Variants in PPIL1 observed in about 807,000 individuals in gnomAD.
PPIL1 encodes peptidyl-prolyl cis-trans isomerase-like 1.
PPIL1 carries 14 observed loss-of-function variants against 19.4 expected under a neutral mutation model. The ratio of observed to expected loss-of-function variants is 0.72; its 90% CI spans 0.48 to 1.13. The LOEUF (loss-of-function observed/expected upper bound fraction) is 1.13. Among genes scored for constraint, PPIL1 ranks in the 50% most tolerant of loss-of-function variants. The pLI is 0.00. For missense variants in PPIL1, 192 were observed against 218.0 expected (o/e 0.88, Z 0.75); for synonymous variants, 72 against 73.6 (o/e 0.98, Z 0.11).
At chr6:36,873,123 G>A (rs1170133465) in intron 1 of PPIL1, among the ~76,000 whole-genome samples, 1 of 152,178 alleles carries the variant, frequency 6.6e-6, no homozygotes, top group Non-Finnish European at 1.5e-5. Context: ...TTACATTCTG[G>A]AGGATATTTT....
intron 2 of PPIL1, among the ~76,000 whole-genome samples, chr6:36,863,086 G>A (rs1040793774): frequency 1.3e-5 from 2 of 152,204 alleles, no homozygotes; most frequent in East Asian, 1.9e-4. Flanking sequence ...GCATATGGAA[G>A]CTATCTGGTG....
Position 36,874,609 on chromosome 6 carries a change from T to C in PPIL1, c.56+108A>G, listed in dbSNP as rs548262317. 2.5e-4 allele frequency: 360 copies of C among 1,445,920 alleles called. 6 individuals carry two copies. Among genetic ancestry groups the C allele is most frequent in the South Asian group, 2.3e-3 (196 of 85,528 alleles). The allele number at this position is 1,445,920 out of a possible 1,614,324, so 89.6% of individuals were successfully genotyped here. On this transcript the variant is annotated intron_variant, in intron 1 of 3. Coordinates refer to ENST00000373699, the MANE Select transcript of PPIL1 (RefSeq NM_016059.5). ...CGTCTCGGCCGCTGCTCCACGCCCC[T>C]CCACGTGGAGGCCGGCCTCCCGGAG...
At position 36,856,043 on chromosome 6, in the gene PPIL1, A is replaced by C; in HGVS notation, c.281-10T>G. Reference sequence around the variant, plus strand: ...GCGAGAATTCCAGCCCCTGGTGGGAAAAAGGAAGAAAGGAAAGAGTATAAA... The same window carrying C: ...GCGAGAATTCCAGCCCCTGGTGGGACAAAGGAAGAAAGGAAAGAGTATAAA... On this transcript the variant is annotated splice_polypyrimidine_tract_variant and intron_variant, in intron 3 of 3. Coordinates refer to ENST00000373699, the MANE Select transcript of PPIL1 (RefSeq NM_016059.5). The C allele has an allele frequency of 6.2e-7, 1 of 1,612,462 alleles. No individual in the cohort carries two copies. The highest frequency in any genetic ancestry group is 8.5e-7 in the Non-Finnish European group (1 of 1,178,894).
At chr6:36,868,082 G>C (rs888834072) in intron 2 of PPIL1, among the ~76,000 whole-genome samples, 24 of 152,204 alleles carry the variant, frequency 1.6e-4, no homozygotes, top group African/African-American at 5.1e-4. Flanking sequence ...GGAGAAAGTG[G>C]CTTCTCCATG....
chr6:36,863,719 C>T (rs577007961), intron 2 of PPIL1, among the ~76,000 whole-genome samples: 5 of 152,140 alleles, frequency 3.3e-5, no homozygotes, highest in Admixed American at 1.3e-4. Flanking sequence ...CGCCCCTCAC[C>T]GCTCCGCTGA....
chr6:36,866,377 G>A (rs958059765), intron 2 of PPIL1, among the ~76,000 whole-genome samples: 3 of 152,116 alleles, frequency 2.0e-5, no homozygotes, highest in Admixed American at 6.5e-5. Flanking sequence ...AGCCCAGGAT[G>A]TCATTTGCTG....
chr6:36,873,978 G>A (rs1358081650), intron 1 of PPIL1, among the ~76,000 whole-genome samples: 3 of 152,200 alleles, frequency 2.0e-5, no homozygotes, highest in Non-Finnish European at 1.5e-5. Context: ...ATCACTTTGA[G>A]CTTTTTCCAA....
chr6:36,863,036 C>A (rs78869641), intron 2 of PPIL1, among the ~76,000 whole-genome samples: 4,523 of 152,262 alleles, frequency 0.03, 95 homozygotes, highest in Middle Eastern at 0.068. Flanking sequence ...AGCAGTAACA[C>A]CTATGTCTCA....
chr6:36,863,024 G>A (rs1306165535), intron 2 of PPIL1, among the ~76,000 whole-genome samples: 1 of 152,222 alleles, frequency 6.6e-6, no homozygotes, highest in Non-Finnish European at 1.5e-5. Context: ...CAAAATGGGA[G>A]TAGCAGTAAC....
rs1774152354 is a variant in PPIL1, at chr6:36,855,768, T to A, written c.*45A>T. The A allele has an allele frequency of 6.3e-7, 1 of 1,583,812 alleles. No individual in the cohort carries two copies. Among genetic ancestry groups the A allele is most frequent in the Non-Finnish European group, 8.7e-7 (1 of 1,152,884 alleles). ...TCATTCTATGTCATCTAGAAGCTGGTTCACTGGGGCCATCTCAGAAGAGCT... is the reference window on the plus strand; with the variant it reads ...TCATTCTATGTCATCTAGAAGCTGGATCACTGGGGCCATCTCAGAAGAGCT... On this transcript the variant is annotated 3_prime_UTR_variant, in exon 4 of 4. Transcript: ENST00000373699.
At chr6:36,866,406 C>CA (rs570666347) in intron 2 of PPIL1, among the ~76,000 whole-genome samples, 3 of 152,054 alleles carry the variant, frequency 2.0e-5, no homozygotes, top group Admixed American at 6.6e-5. Context: ...AGATGTTTAA[C>CA]AAAAAACGTG....
At chr6:36,871,912 G>C (rs770776316) in intron 1 of PPIL1, 40 bp from the exon 2 acceptor site, 14 of 1,526,716 alleles carry the variant, frequency 9.2e-6, no homozygotes, top group Non-Finnish European at 1.2e-5. Flanking sequence ...AAACAAAAAG[G>C]TCAGGGCAGA....
chr6:36,856,120 G>A, intron 3 of PPIL1, 87 bp from the exon 4 acceptor site: 1 of 1,416,878 alleles, frequency 7.1e-7, no homozygotes, highest in South Asian at 1.3e-5. Context: ...GGATGAAAAA[G>A]CAGCCAGGAC....
At chr6:36,868,005 C>A (rs995790784) in intron 2 of PPIL1, among the ~76,000 whole-genome samples, 1 of 151,962 alleles carries the variant, frequency 6.6e-6, no homozygotes, top group Non-Finnish European at 1.5e-5. Context: ...GGCAAACATA[C>A]CACAACCAAC....
chr6:36,872,993 G>A (rs548882538), intron 1 of PPIL1, among the ~76,000 whole-genome samples: 147 of 152,342 alleles, frequency 9.6e-4, no homozygotes, highest in African/African-American at 2.6e-3. Context: ...TATGAGGAGT[G>A]TGCTAGAAAA....
At chr6:36,869,346 T>G (rs1333865214) in intron 2 of PPIL1, among the ~76,000 whole-genome samples, 1 of 152,134 alleles carries the variant, frequency 6.6e-6, no homozygotes, top group Non-Finnish European at 1.5e-5. Flanking sequence ...AAGTCCAAGG[T>G]CAAGTGGCCA....
At chr6:36,870,805 G>A (rs1774494040) in intron 2 of PPIL1, among the ~76,000 whole-genome samples, 1 of 152,070 alleles carries the variant, frequency 6.6e-6, no homozygotes, top group African/African-American at 2.4e-5. Context: ...TTGTATTTTA[G>A]TAGACAGAGC....
Position 36,858,257 on chromosome 6 carries a change from G to T in PPIL1, c.212-1603C>A, listed in dbSNP as rs981720391. Among the ~76,000 whole-genome samples the T allele has an allele frequency of 2.4e-4, 27 of 114,548 alleles. No individual in the cohort carries two copies. The East Asian group carries it at 8.5e-3, about 36-fold the overall frequency. The allele number at this position is 114,548 out of a possible 152,430, so 75.1% of individuals were successfully genotyped here. A position where few individuals can be genotyped will look rare whatever the true frequency, so the allele number is the denominator to read the frequency against. On this transcript the variant is annotated intron_variant, in intron 2 of 3. Transcript: ENST00000373699. Reference sequence around the variant, plus strand: ...AAAAAAAAAAAAAAAAAAAAAAAAAGATGTAAGTTAAACATGGTTTTCTCA... The same window carrying T: ...AAAAAAAAAAAAAAAAAAAAAAAAATATGTAAGTTAAACATGGTTTTCTCA...
intron 1 of PPIL1, 23 bp downstream of exon 1, chr6:36,874,694 C>A (rs374192648): frequency 3.0e-5 from 48 of 1,613,034 alleles, no homozygotes; most frequent in Non-Finnish European, 4.1e-5. Flanking sequence ...CTCTGCCAGC[C>A]CCAGACGCCC....
Sources: gnomAD v4.1 joint callset for allele counts (sites outside exome capture counted in the v4.1 genomes callset) on GRCh38, gnomAD v4.1.1 for gene constraint, MANE v1.5 for transcripts, NCBI Gene and HGNC (gene_info 2026-07-23, HGNC 2026-07-21) for gene names.